Variants in BICC1 observed in about 807,000 individuals in gnomAD.
BICC1 encodes protein bicaudal C homolog 1.
BICC1 carries 43 observed loss-of-function variants against 111.0 expected under a neutral mutation model. The observed-to-expected ratio is 0.39, with a 90% CI of 0.30 to 0.50. The LOEUF is 0.50. BICC1 is among the 20% of genes least tolerant of loss of function. The probability of loss-of-function intolerance (pLI) is 0.88; values close to 1 mark genes in which losing one functional copy is unlikely to be tolerated. For missense variants in BICC1, 1,091 were observed against 1,203.2 expected (o/e 0.91, Z 1.38); for synonymous variants, 467 against 434.4 (o/e 1.07, Z -0.93).
At chr10:58,513,791 G>A (rs1159888423) in intron 1 of BICC1, among the ~76,000 whole-genome samples, 1 of 152,188 alleles carries the variant, frequency 6.6e-6, no homozygotes. Context: ...CAGCTGAGGG[G>A]CCTTGTCTCA....
At chr10:58,648,583 G>T in intron 2 of BICC1, 1 of 981,818 alleles carries the variant, frequency 1.0e-6, no homozygotes, top group South Asian at 4.7e-5. Flanking sequence ...TATGTTTAGT[G>T]CCTCTCTCTC....
intron 20 of BICC1, chr10:58,823,562 G>A: frequency 6.1e-6 from 6 of 984,648 alleles, no homozygotes; most frequent in Non-Finnish European, 7.2e-6. Flanking sequence ...TGTCTTTTCA[G>A]AATAAAGTTT....
At chr10:58,769,396 G>GTATATATATATA (rs1271499930) in intron 3 of BICC1, among the ~76,000 whole-genome samples, 1 of 105,120 alleles carries the variant, frequency 9.5e-6, no homozygotes, top group Admixed American at 9.5e-5. Context: ...GTGTGTGTGT[G>GTATATATATATA]TGTGTGTGTA....
intron 1 of BICC1, among the ~76,000 whole-genome samples, chr10:58,527,450 C>A (rs1194068424): frequency 1.3e-5 from 2 of 152,134 alleles, no homozygotes; most frequent in African/African-American, 4.8e-5. Flanking sequence ...TCAAATTTGG[C>A]TTTTGTTGCC....
At chr10:58,605,837 A>G (rs1448939482) in intron 1 of BICC1, among the ~76,000 whole-genome samples, 1 of 152,196 alleles carries the variant, frequency 6.6e-6, no homozygotes, top group Non-Finnish European at 1.5e-5. Context: ...CTGACTCTCT[A>G]TCATCTATGT....
chr10:58,659,874 T>C (rs1225014192), intron 2 of BICC1, among the ~76,000 whole-genome samples: 4 of 152,196 alleles, frequency 2.6e-5, no homozygotes. Flanking sequence ...TATATTATTA[T>C]AGCAACAAAG....
At position 58,828,985 on chromosome 10, in the gene BICC1, G is replaced by T; in HGVS notation, c.*94G>T. 6.8e-7 allele frequency: 1 copy of T among 1,472,918 alleles called. No individual in the cohort carries two copies. The highest frequency in any genetic ancestry group is 1.3e-5 in the South Asian group (1 of 78,772). 91.2% of individuals were successfully genotyped at this position (1,472,918 alleles called of 1,614,324 possible). ...CACAGCACACCATCCTTAGCACTCTGGGTGTCTGGTATCAGGACCAAAGCA... is the reference window on the plus strand; with the variant it reads ...CACAGCACACCATCCTTAGCACTCTTGGTGTCTGGTATCAGGACCAAAGCA... On this transcript the variant is annotated 3_prime_UTR_variant, in exon 21 of 21. Transcript: ENST00000373886.
At chr10:58,752,764 A>G (rs1842025952) in intron 3 of BICC1, among the ~76,000 whole-genome samples, 1 of 152,148 alleles carries the variant, frequency 6.6e-6, no homozygotes, top group Non-Finnish European at 1.5e-5. Flanking sequence ...CATTTACTTT[A>G]CCATGCACTT....
chr10:58,549,338 G>A (rs1843228696), intron 1 of BICC1, among the ~76,000 whole-genome samples: 1 of 152,172 alleles, frequency 6.6e-6, no homozygotes, highest in African/African-American at 2.4e-5. Context: ...GATAGAGACT[G>A]TGTTTAGCTT....
intron 2 of BICC1, among the ~76,000 whole-genome samples, chr10:58,630,112 T>C (rs1172415830): frequency 6.6e-6 from 1 of 152,142 alleles, no homozygotes; most frequent in East Asian, 1.9e-4. Context: ...ACGTGACCTA[T>C]GTGGCATGCT....
chr10:58,551,012 G>A (rs1160434448), intron 1 of BICC1, among the ~76,000 whole-genome samples: 2 of 152,116 alleles, frequency 1.3e-5, no homozygotes, highest in East Asian at 1.9e-4. Flanking sequence ...CATTGAGAAT[G>A]CACGTCTCTG....
At chr10:58,787,638 G>C (rs1843049930) in intron 5 of BICC1, among the ~76,000 whole-genome samples, 1 of 152,198 alleles carries the variant, frequency 6.6e-6, no homozygotes, top group Non-Finnish European at 1.5e-5. Flanking sequence ...ATATTTGGAA[G>C]TATTCTCTCT....
chr10:58,541,502 G>A (rs1425334038), intron 1 of BICC1, among the ~76,000 whole-genome samples: 2 of 151,936 alleles, frequency 1.3e-5, no homozygotes, highest in South Asian at 2.1e-4. Flanking sequence ...TACCAATGAG[G>A]CGAAACACTT....
rs957411815 is a variant in BICC1, at chr10:58,717,363, A to AC, written c.307+15220_307+15221insC. On this transcript the variant is annotated intron_variant, in intron 3 of 20. Transcript: ENST00000373886. ...TAAAAAGCAGGGTTTTGATTAAAAAAAAAAAAAAACAGCTTCATATTGAAG... is the reference window on the plus strand; with the variant it reads ...TAAAAAGCAGGGTTTTGATTAAAAAACAAAAAAAAACAGCTTCATATTGAAG... Among the ~76,000 whole-genome samples, 34 of 3,800 alleles carry AC rather than the reference A, an allele frequency of 8.9e-3. No individual in the cohort carries two copies. In the East Asian group the frequency reaches 0.18, roughly 21 times the overall value. 2.5% of individuals were successfully genotyped at this position (3,800 alleles called of 152,430 possible). A position where few individuals can be genotyped will look rare whatever the true frequency, so the allele number is the denominator to read the frequency against.
chr10:58,617,952 A>G (rs1446890749), intron 1 of BICC1, among the ~76,000 whole-genome samples: 5 of 152,252 alleles, frequency 3.3e-5, no homozygotes, highest in Non-Finnish European at 7.3e-5. Context: ...GTGGTTGCCC[A>G]CCATAACCTG....
intron 1 of BICC1, among the ~76,000 whole-genome samples, chr10:58,557,344 C>CTTTT (rs35079883): frequency 6.9e-6 from 1 of 143,986 alleles, no homozygotes; most frequent in African/African-American, 2.6e-5. Flanking sequence ...ATGACAGCGT[C>CTTTT]TTTTTTTTTT....
chr10:58,703,596 A>G lies in BICC1; in HGVS notation c.307+1453A>G, dbSNP rs139603669. On this transcript the variant is annotated intron_variant, in intron 3 of 20. Coordinates refer to ENST00000373886, the MANE Select transcript of BICC1 (RefSeq NM_001080512.3). ...TAAGCCTGTATTTCTCAAGTGGTGT[A>G]GAATATATTCTTAATTAATCTTCAG... Among the ~76,000 whole-genome samples, 370 of 152,322 alleles carry G rather than the reference A, an allele frequency of 2.4e-3. 1 individual carries two copies. The highest frequency in any genetic ancestry group is 8.3e-3 in the African/African-American group (347 of 41,588).
At chr10:58,617,467 A>G (rs550927792) in intron 1 of BICC1, among the ~76,000 whole-genome samples, 1 of 152,316 alleles carries the variant, frequency 6.6e-6, no homozygotes, top group African/African-American at 2.4e-5. Flanking sequence ...GTCCTAATGG[A>G]AGATAAGGCC....
intron 18 of BICC1, 185 bp downstream of exon 18, chr10:58,814,171 A>T: frequency 1.4e-6 from 1 of 703,632 alleles, no homozygotes; most frequent in Non-Finnish European, 2.5e-6. Context: ...CTTTCCTCTC[A>T]CTCCATTTTG....
Sources: allele counts gnomAD v4.1 joint callset (sites outside exome capture counted in the v4.1 genomes callset), GRCh38; gene constraint gnomAD v4.1.1; transcripts MANE v1.5; gene names NCBI Gene and HGNC (gene_info 2026-07-23, HGNC 2026-07-21).